The following ASPG variants were observed in gnomAD, a reference collection of about 807,000 sequenced individuals.
The protein encoded by ASPG is asparaginase.
A neutral mutation model predicts 63.2 loss-of-function variants in ASPG; 53 were observed. That is an observed-to-expected ratio of 0.84 (90% confidence interval 0.67 to 1.05). ASPG has a LOEUF of 1.05. Among genes scored for constraint, ASPG ranks in the 50% least tolerant of loss-of-function variants. ASPG has a pLI of 0.00. For missense variants in ASPG, 741 were observed against 794.4 expected, an observed-to-expected ratio of 0.93 and a Z score of 0.81; for synonymous variants, 370 against 355.0, an observed-to-expected ratio of 1.04 and a Z score of -0.48.
In ASPG at chr14:104,107,333, C is replaced by A; in HGVS notation, c.1421C>A (p.Ala474Asp). Reference sequence around the variant, plus strand: ...GATGGCTTCAGCCCGCTGCTGCTGGCCGTGCGGGGCAGGTAATGGAGCTAG... The same window carrying A: ...GATGGCTTCAGCCCGCTGCTGCTGGACGTGCGGGGCAGGTAATGGAGCTAG... ...DTDGFSPLLL[A>D]VRGRHPGVIG... Residue 474 changes from alanine (A) to aspartate (D), a missense_variant, in exon 12 of 16, where the codon GCC (alanine) becomes GAC (aspartate). Ala to Asp is a moderately radical substitution (Grantham distance 126). Coordinates refer to ENST00000551177, the MANE Select transcript of ASPG (RefSeq NM_001080464.3). 1 of 1,580,478 alleles carries A rather than the reference C, an allele frequency of 6.3e-7. No individual in the cohort carries two copies. Among genetic ancestry groups the A allele is most frequent in the Non-Finnish European group, 8.6e-7 (1 of 1,161,366 alleles).
At chr14:104,097,302 C>T (rs1281797588) in intron 4 of ASPG, among the ~76,000 whole-genome samples, 2 of 152,160 alleles carry the variant, frequency 1.3e-5, no homozygotes, top group African/African-American at 4.8e-5. Flanking sequence ...TGCAGGCTGG[C>T]ATCGTCTGCA....
At chr14:104,112,064 T>G in intron 15 of ASPG, 64 bp downstream of exon 15, 1 of 1,438,972 alleles carries the variant, frequency 6.9e-7, no homozygotes, top group Non-Finnish European at 9.5e-7. Flanking sequence ...GGCTGGATCC[T>G]GGCTCGGGGG....
At chr14:104,108,805 A>T in intron 12 of ASPG, 1 of 985,366 alleles carries the variant, frequency 1.0e-6, no homozygotes, top group Non-Finnish European at 1.2e-6. Context: ...ACGGGGTGTG[A>T]TCAGCGTTTG....
chr14:104,099,059 G>T (rs2036756374), intron 6 of ASPG, 80 bp downstream of exon 6: 1 of 1,508,266 alleles, frequency 6.6e-7, no homozygotes, highest in African/African-American at 1.4e-5. Flanking sequence ...GCTCGTGGCT[G>T]GGACTCGGCA....
intron 5 of ASPG, among the ~76,000 whole-genome samples, chr14:104,098,085 T>A (rs2036699915): frequency 8.6e-6 from 1 of 116,902 alleles, no homozygotes; most frequent in African/African-American, 3.0e-5. Flanking sequence ...GCGTTAGAGA[T>A]GCGTATGGAG....
Position 104,103,675 on chromosome 14 carries a change from G to T in ASPG, c.753G>T (p.Leu251=). The change falls in exon 7 of 16, where the codon CTG becomes CTT. Residue 251 remains leucine (L), a splice_region_variant and synonymous_variant. Coordinates refer to ENST00000551177, the MANE Select transcript of ASPG (RefSeq NM_001080464.3). ...LRLYPGIPAA[L]VRAFLQPPLK... ...TCTACCCTGGGATCCCTGCCGCCCT[G>T]GTAGGGACCGCCCCGGCCATCCTGC... 6.5e-7 allele frequency: 1 copy of T among 1,547,062 alleles called. No individual in the cohort carries two copies. Among genetic ancestry groups the T allele is most frequent in the South Asian group, 1.2e-5 (1 of 83,922 alleles).
intron 8 of ASPG, 37 bp from the exon 9 acceptor site, chr14:104,104,585 G>A: frequency 1.3e-6 from 2 of 1,585,168 alleles, no homozygotes; most frequent in Non-Finnish European, 1.7e-6. Flanking sequence ...GGGCCGTGGT[G>A]AGTCGCCCTT....
chr14:104,103,638 G>A lies in ASPG; in HGVS notation c.716G>A (p.Gly239Asp). 1 of 1,548,020 alleles carries A rather than the reference G, an allele frequency of 6.5e-7. No homozygotes were observed. The change falls in exon 7 of 16, where the codon GGC becomes GAC. Residue 239 changes from glycine to aspartate, a missense_variant. Physicochemically the swap from Gly to Asp is moderately conservative, Grantham distance 94. Transcript: ENST00000551177. ...VVHSSMEQDVGLLRLYPGIPA... is the reference protein window; with the variant it reads ...VVHSSMEQDVDLLRLYPGIPA... Reference sequence around the variant, plus strand: ...CACAGCAGCATGGAGCAGGACGTGGGCCTGCTGCGCCTCTACCCTGGGATC... The same window carrying A: ...CACAGCAGCATGGAGCAGGACGTGGACCTGCTGCGCCTCTACCCTGGGATC...
chr14:104,093,691 GTGGAGAGTGGGC>G, intron 3 of ASPG, 89 bp downstream of exon 3: 1 of 961,834 alleles, frequency 1.0e-6, no homozygotes. Context: ...GGGTGGGGCT[GTGGAGAGTGGGC>G]AGGGCTGTTG....
intron 3 of ASPG, 22 bp downstream of exon 3, chr14:104,093,624 G>T: frequency 9.3e-7 from 1 of 1,073,030 alleles, no homozygotes; most frequent in South Asian, 2.4e-5. Context: ...GGGGAATGCT[G>T]GGTGGGGCTG....
At position 104,098,216 on chromosome 14, in the gene ASPG, A is replaced by G. The variant is rs139401788; in HGVS notation, c.513+579A>G. ...CGTATGGAGGTTTTACGTTAGAGATACGTATGGAGGTTTTACATTAGAGAT... is the reference window on the plus strand; with the variant it reads ...CGTATGGAGGTTTTACGTTAGAGATGCGTATGGAGGTTTTACATTAGAGAT... On this transcript the variant is annotated intron_variant, in intron 5 of 15. Coordinates refer to ENST00000551177, the MANE Select transcript of ASPG (RefSeq NM_001080464.3). 3.3e-3 allele frequency among the ~76,000 whole-genome samples: 502 copies of G among 150,544 alleles called. 3 individuals carry two copies. The highest frequency in any genetic ancestry group is 4.7e-3 in the African/African-American group (196 of 41,288).
chr14:104,093,998 C>G (rs969363571), intron 3 of ASPG, among the ~76,000 whole-genome samples: 4 of 151,762 alleles, frequency 2.6e-5, no homozygotes, highest in African/African-American at 9.7e-5. Context: ...GGCAGAAACA[C>G]TCTGGGACGG....
chr14:104,088,964 G>T (rs2036291251), intron 1 of ASPG, among the ~76,000 whole-genome samples: 1 of 152,120 alleles, frequency 6.6e-6, no homozygotes, highest in Admixed American at 6.6e-5. Context: ...ATTGAGAAAA[G>T]TAATACAAGT....
chr14:104,090,184 C>T (rs988432321), intron 1 of ASPG, among the ~76,000 whole-genome samples: 28 of 152,298 alleles, frequency 1.8e-4, no homozygotes, highest in African/African-American at 3.9e-4. Flanking sequence ...CTGATTTCGC[C>T]TGTGGTGCCC....
chr14:104,087,923 G>A (rs1413018633), intron 1 of ASPG, among the ~76,000 whole-genome samples: 3 of 152,180 alleles, frequency 2.0e-5, no homozygotes, highest in East Asian at 3.8e-4. Context: ...GGTGTGGGGC[G>A]TCAGTCTTCA....
intron 12 of ASPG, chr14:104,108,316 G>A (rs1332104140): frequency 1.3e-6 from 1 of 781,726 alleles, no homozygotes; most frequent in Non-Finnish European, 1.6e-6. Context: ...GGAGCTTCTA[G>A]ACTGGGCGTC....
chr14:104,106,671 C>T, intron 10 of ASPG, 128 bp from the exon 11 acceptor site: 4 of 837,342 alleles, frequency 4.8e-6, no homozygotes, highest in Non-Finnish European at 7.4e-6. Context: ...GGTTCCTTCT[C>T]ACCCACGCCC....
At chr14:104,090,307 G>C (rs1047849508) in intron 1 of ASPG, among the ~76,000 whole-genome samples, 38 of 152,328 alleles carry the variant, frequency 2.5e-4, no homozygotes, top group Non-Finnish European at 5.9e-5. Context: ...AGCTGGAGGT[G>C]ACCTTGCACA....
rs1348444791 is a variant in ASPG at position 104,114,438 on chromosome 14, G to A, written c.*1894G>A. On this transcript the variant is annotated 3_prime_UTR_variant, in exon 16 of 16. Transcript: ENST00000551177. The stretch of plus-strand genomic sequence containing the variant: ...CATTGTCAGTCCCCTCCAAACCCTC[G>A]TGGGATGTAGGGCCCTACCACAGGG... The A allele has an allele frequency of 2.0e-5, 3 of 152,426 alleles. No individual in the cohort carries two copies. The highest frequency in any genetic ancestry group is 1.3e-4 in the Admixed American group (2 of 15,302). 9.4% of individuals were successfully genotyped at this position (152,426 alleles called of 1,614,324 possible). A position where few individuals can be genotyped will look rare whatever the true frequency, so the allele number is the denominator to read the frequency against.
Sources: allele counts gnomAD v4.1 joint callset (sites outside exome capture counted in the v4.1 genomes callset), GRCh38; gene constraint gnomAD v4.1.1; transcripts MANE v1.5; gene names NCBI Gene and HGNC (gene_info 2026-07-23, HGNC 2026-07-21).